Variants in CTNND2 observed in about 807,000 individuals in gnomAD.
CTNND2 encodes catenin delta 2, also known as catenin delta-2.
CTNND2 carries 22 observed loss-of-function variants against 144.4 expected under a neutral mutation model. The ratio of observed to expected loss-of-function variants is 0.15; its 90% confidence interval spans 0.11 to 0.22. The LOEUF (loss-of-function observed/expected upper bound fraction) is 0.22, where lower values mean the gene tolerates loss of function less well. Ranked by LOEUF, CTNND2 falls within the 10% of genes least tolerant of loss-of-function variation. CTNND2 has a pLI of 1.00. For missense variants in CTNND2, 1,353 were observed against 1,618.8 expected (o/e 0.84, Z 2.82); for synonymous variants, 751 against 695.6 (o/e 1.08, Z -1.25).
intron 1 of CTNND2, among the ~76,000 whole-genome samples, chr5:11,877,970 T>C (rs1212912104): frequency 2.6e-5 from 4 of 152,050 alleles, no homozygotes; most frequent in African/African-American, 4.8e-5. Flanking sequence ...TTCTGAGACT[T>C]TGTATATGGC....
chr5:11,136,264 C>A (rs551914374), intron 12 of CTNND2, among the ~76,000 whole-genome samples: 1 of 152,064 alleles, frequency 6.6e-6, no homozygotes, highest in Non-Finnish European at 1.5e-5. Flanking sequence ...AGACTGCCAG[C>A]CTTTTTAGCT....
chr5:11,418,314 G>A (rs1762076575), intron 3 of CTNND2, among the ~76,000 whole-genome samples: 1 of 152,150 alleles, frequency 6.6e-6, no homozygotes, highest in Admixed American at 6.5e-5. Flanking sequence ...GCTGAGGCAG[G>A]AGAATTGCTT....
At chr5:11,110,500 T>C (rs1031294878) in intron 14 of CTNND2, among the ~76,000 whole-genome samples, 1 of 152,196 alleles carries the variant, frequency 6.6e-6, no homozygotes, top group Non-Finnish European at 1.5e-5. Flanking sequence ...ACATCTCCTG[T>C]TCCACCCATC....
At chr5:11,400,981 C>T (rs1760598151) in intron 5 of CTNND2, among the ~76,000 whole-genome samples, 1 of 152,200 alleles carries the variant, frequency 6.6e-6, no homozygotes, top group Non-Finnish European at 1.5e-5. Flanking sequence ...CCTGTGTAAA[C>T]AGAAATCCAC....
chr5:11,903,232 C>CG lies in CTNND2; in HGVS notation c.37+584dup. On this transcript the variant is annotated intron_variant, in intron 1 of 21. Coordinates refer to ENST00000304623, the MANE Select transcript of CTNND2 (RefSeq NM_001332.4). The surrounding 1 kb of genome is among the most constrained non-coding windows in gnomAD (Gnocchi z 5.4). The stretch of plus-strand genomic sequence containing the variant: ...TCTATTGTCAGCACGCAGAAGCCCC[C>CG]GAAACCTGTGAAGCCGGCTGCAAAG... 2 of 985,458 alleles carry CG rather than the reference C, an allele frequency of 2.0e-6. No individual in the cohort carries two copies. Among genetic ancestry groups the CG allele is most frequent in the Non-Finnish European group, 2.4e-6 (2 of 829,974 alleles). 61.0% of individuals were successfully genotyped at this position (985,458 alleles called of 1,614,324 possible). A position where few individuals can be genotyped will look rare whatever the true frequency, so the allele number is the denominator to read the frequency against.
chr5:11,558,407 C>T (rs1032789404), intron 3 of CTNND2, among the ~76,000 whole-genome samples: 10 of 149,054 alleles, frequency 6.7e-5, no homozygotes, highest in African/African-American at 2.5e-4. Flanking sequence ...ACTCTGTTGC[C>T]CAGGCTGGAG....
chr5:11,721,411 T>C (rs1786671949), intron 2 of CTNND2, among the ~76,000 whole-genome samples: 1 of 152,118 alleles, frequency 6.6e-6, no homozygotes, highest in Admixed American at 6.5e-5. Flanking sequence ...CATAGAATCG[T>C]AAGACTTAGA....
At chr5:11,708,486 C>T (rs963320794) in intron 2 of CTNND2, among the ~76,000 whole-genome samples, 1 of 152,162 alleles carries the variant, frequency 6.6e-6, no homozygotes, top group Non-Finnish European at 1.5e-5. Flanking sequence ...ATTATAATAA[C>T]ACTAGTAATA....
At chr5:11,427,157 G>T (rs1762848039) in intron 3 of CTNND2, among the ~76,000 whole-genome samples, 1 of 151,536 alleles carries the variant, frequency 6.6e-6, no homozygotes, top group Non-Finnish European at 1.5e-5. Context: ...TCTTTACTTA[G>T]AATTATATTA....
intron 8 of CTNND2, among the ~76,000 whole-genome samples, chr5:11,360,790 A>C (rs1756369221): frequency 6.6e-6 from 1 of 152,172 alleles, no homozygotes; most frequent in African/African-American, 2.4e-5. Flanking sequence ...TCTGAAACAA[A>C]ATTGAACATG....
At chr5:11,598,196 C>T (rs1779614420) in intron 2 of CTNND2, among the ~76,000 whole-genome samples, 1 of 152,108 alleles carries the variant, frequency 6.6e-6, no homozygotes, top group Non-Finnish European at 1.5e-5. Flanking sequence ...ACTAGACAGA[C>T]CTATCTATAA....
chr5:11,741,466 G>A (rs2126764497), intron 1 of CTNND2, among the ~76,000 whole-genome samples: 1 of 152,032 alleles, frequency 6.6e-6, no homozygotes, highest in East Asian at 1.9e-4. Flanking sequence ...ACTATCACAA[G>A]AACAGAAAAG....
intron 7 of CTNND2, among the ~76,000 whole-genome samples, chr5:11,369,209 G>A (rs933522721): frequency 1.3e-5 from 2 of 152,146 alleles, no homozygotes; most frequent in African/African-American, 4.8e-5. Context: ...AATGAATGAC[G>A]TTCATAAGGA....
intron 16 of CTNND2, among the ~76,000 whole-genome samples, chr5:11,076,741 T>C (rs1430304657): frequency 6.6e-6 from 1 of 152,194 alleles, no homozygotes. Context: ...TTAGACCTCA[T>C]GGGATAGGGT....
In CTNND2 at chr5:11,572,748, T is replaced by C. The variant is rs149248174; in HGVS notation, c.175-7692A>G. ...CCCTATGTCTGGCCCATCCTGTCTA[T>C]AGATGAGACCTGGTTCTCAGATGCA... On this transcript the variant is annotated intron_variant, in intron 2 of 21. Transcript: ENST00000304623. 1.0e-3 allele frequency among the ~76,000 whole-genome samples: 159 copies of C among 152,220 alleles called. 1 individual carries two copies. Among genetic ancestry groups the C allele is most frequent in the African/African-American group, 3.7e-3 (152 of 41,544 alleles).
intron 9 of CTNND2, among the ~76,000 whole-genome samples, chr5:11,299,903 T>G (rs1749408225): frequency 6.6e-6 from 1 of 152,182 alleles, no homozygotes; most frequent in Non-Finnish European, 1.5e-5. Context: ...CCAGTGTGCC[T>G]CAGTGCTCTG....
chr5:11,484,072 C>T (rs142619778), intron 3 of CTNND2, among the ~76,000 whole-genome samples: 3 of 152,232 alleles, frequency 2.0e-5, no homozygotes, highest in Admixed American at 2.0e-4. Flanking sequence ...TCCAGTTGCA[C>T]ACCCTCAAGG....
intron 12 of CTNND2, among the ~76,000 whole-genome samples, chr5:11,125,267 T>A (rs901194181): frequency 6.6e-6 from 1 of 152,152 alleles, no homozygotes; most frequent in Non-Finnish European, 1.5e-5. Flanking sequence ...GGGGGCAGCA[T>A]GAGACCCTCC....
intron 2 of CTNND2, among the ~76,000 whole-genome samples, chr5:11,602,133 A>C (rs1779825070): frequency 1.3e-5 from 2 of 152,074 alleles, no homozygotes. Flanking sequence ...TTAATAATAT[A>C]ATTTCCTTAA....
Sources: allele counts gnomAD v4.1 joint callset (sites outside exome capture counted in the v4.1 genomes callset), GRCh38; gene constraint gnomAD v4.1.1; non-coding constraint Gnocchi (gnomAD v3.1); transcripts MANE v1.5; gene names NCBI Gene and HGNC (gene_info 2026-07-23, HGNC 2026-07-21).